SKAP2: variants seen among roughly 807,000 people sequenced by gnomAD.
The protein encoded by SKAP2 is src kinase associated phosphoprotein 2, also known as src kinase-associated phosphoprotein 2.
Under a neutral mutation model 54.9 loss-of-function variants are expected in SKAP2, and 28 were observed. That is an observed-to-expected ratio of 0.51 (90% confidence interval 0.38 to 0.70). The LOEUF (loss-of-function observed/expected upper bound fraction) is 0.70, where lower values mean the gene tolerates loss of function less well. SKAP2 is among the 30% of genes least tolerant of loss of function. SKAP2 has a pLI of 0.00. For missense variants in SKAP2, 356 were observed against 424.1 expected (o/e 0.84, Z 1.41); for synonymous variants, 137 against 134.3 (o/e 1.02, Z -0.14).
intron 11 of SKAP2, among the ~76,000 whole-genome samples, chr7:26,674,641 A>G (rs1786314534): frequency 6.6e-6 from 1 of 152,218 alleles, no homozygotes; most frequent in Admixed American, 6.5e-5. Context: ...CAGGAACCTG[A>G]TTGAAGACAC....
intron 4 of SKAP2, among the ~76,000 whole-genome samples, chr7:26,765,295 T>C (rs1783027118): frequency 6.6e-6 from 1 of 152,106 alleles, no homozygotes; most frequent in Admixed American, 6.5e-5. Flanking sequence ...GAAGTGTCTG[T>C]TCATATCCTT....
intron 4 of SKAP2, among the ~76,000 whole-genome samples, chr7:26,842,025 T>G (rs964475370): frequency 6.6e-5 from 10 of 152,042 alleles, no homozygotes; most frequent in African/African-American, 2.2e-4. Flanking sequence ...ACACAAAATC[T>G]AAGTTGAAGA....
At chr7:26,849,600 G>T (rs754736124) in intron 3 of SKAP2, among the ~76,000 whole-genome samples, 1 of 150,488 alleles carries the variant, frequency 6.6e-6, no homozygotes, top group African/African-American at 2.4e-5. Flanking sequence ...AAGGAGAATC[G>T]CTTGAACCCA....
At chr7:26,674,823 A>G (rs1228224930) in intron 11 of SKAP2, among the ~76,000 whole-genome samples, 1 of 152,218 alleles carries the variant, frequency 6.6e-6, no homozygotes, top group African/African-American at 2.4e-5. Flanking sequence ...AAGAATTCTC[A>G]TAAGAAATTT....
intron 4 of SKAP2, among the ~76,000 whole-genome samples, chr7:26,793,232 C>T (rs748802933): frequency 3.9e-5 from 6 of 152,152 alleles, no homozygotes; most frequent in Non-Finnish European, 7.4e-5. Flanking sequence ...CTATCCTTTA[C>T]CAAACTATGT....
At chr7:26,749,583 A>G (rs996674979) in intron 4 of SKAP2, among the ~76,000 whole-genome samples, 1 of 151,910 alleles carries the variant, frequency 6.6e-6, no homozygotes, top group African/African-American at 2.4e-5. Context: ...CCCCATCTCT[A>G]TAAAAAATGT....
At chr7:26,689,998 T>C (rs1339294369) in intron 10 of SKAP2, among the ~76,000 whole-genome samples, 2 of 152,228 alleles carry the variant, frequency 1.3e-5, no homozygotes, top group African/African-American at 2.4e-5. Flanking sequence ...GATAAGCTAA[T>C]TTATGCAACT....
intron 11 of SKAP2, among the ~76,000 whole-genome samples, chr7:26,672,548 T>G (rs189265083): frequency 2.0e-5 from 3 of 152,002 alleles, no homozygotes; most frequent in Non-Finnish European, 4.4e-5. Flanking sequence ...ATACACTTGA[T>G]AAAAATACTC....
At chr7:26,803,333 A>G (rs1352678944) in intron 4 of SKAP2, among the ~76,000 whole-genome samples, 2 of 152,240 alleles carry the variant, frequency 1.3e-5, no homozygotes, top group African/African-American at 4.8e-5. Context: ...CATTTCTCAA[A>G]AGAAGACATG....
At chr7:26,822,663 CAGG>C (rs1477880859) in intron 4 of SKAP2, among the ~76,000 whole-genome samples, 1 of 150,790 alleles carries the variant, frequency 6.6e-6, no homozygotes, top group Non-Finnish European at 1.5e-5. Context: ...ATCACGAGGT[CAGG>C]AGATCGAGAC....
At chr7:26,852,717 A>G (rs2127998180) in intron 3 of SKAP2, among the ~76,000 whole-genome samples, 1 of 152,282 alleles carries the variant, frequency 6.6e-6, no homozygotes, top group Admixed American at 6.5e-5. Flanking sequence ...CTTCCCAACT[A>G]TTACTGATCC....
rs567760067 is a variant in SKAP2, at chr7:26,843,858, A to G, written c.307+172T>C. 2.0e-5 allele frequency among the ~76,000 whole-genome samples: 3 copies of G among 152,234 alleles called. No individual in the cohort carries two copies. In the East Asian group the frequency reaches 5.8e-4, roughly 29 times the overall value. On this transcript the variant is annotated intron_variant, in intron 4 of 12. Coordinates refer to ENST00000345317, the MANE Select transcript of SKAP2 (RefSeq NM_003930.5). ...AAGAAAAAGAACCAACTACATACTT[A>G]GGAAAACCTCACCAGAACCACTAGA...
At chr7:26,749,546 C>G (rs944750417) in intron 4 of SKAP2, among the ~76,000 whole-genome samples, 10 of 151,716 alleles carry the variant, frequency 6.6e-5, no homozygotes, top group Non-Finnish European at 1.5e-4. Context: ...GCCAGGTGTT[C>G]GAGACAGCCT....
Position 26,710,112 on chromosome 7 carries a change from C to T in SKAP2, c.796+15316G>A, listed in dbSNP as rs1453972138. 2.0e-5 allele frequency among the ~76,000 whole-genome samples: 3 copies of T among 151,980 alleles called. No homozygotes were observed. The East Asian group carries it at 5.8e-4, about 29-fold the overall frequency. ...GTTTCTCTTAATTTACCTAATAGACCCCTTTAACTAAAGACTTTGCACTAT... is the reference window on the plus strand; with the variant it reads ...GTTTCTCTTAATTTACCTAATAGACTCCTTTAACTAAAGACTTTGCACTAT... On this transcript the variant is annotated intron_variant, in intron 9 of 12. Transcript: ENST00000345317.
chr7:26,799,759 A>T (rs1783870090), intron 4 of SKAP2, among the ~76,000 whole-genome samples: 1 of 152,218 alleles, frequency 6.6e-6, no homozygotes, highest in African/African-American at 2.4e-5. Flanking sequence ...CAGAATACGC[A>T]TTCTTTTCTT....
At chr7:26,845,712 G>T (rs140691788) in intron 3 of SKAP2, among the ~76,000 whole-genome samples, 1 of 152,216 alleles carries the variant, frequency 6.6e-6, no homozygotes, top group African/African-American at 2.4e-5. Flanking sequence ...CCAGAAGATC[G>T]CTTGTGGCCA....
intron 4 of SKAP2, among the ~76,000 whole-genome samples, chr7:26,802,358 G>A (rs985624166): frequency 2.1e-4 from 30 of 141,698 alleles, no homozygotes; most frequent in South Asian, 4.7e-4. Flanking sequence ...TGCAACCTCC[G>A]CCTCCCGAGT....
rs192000568 is a variant in SKAP2 at position 26,733,772 on chromosome 7, T to A, written c.469+5023A>T. Among the ~76,000 whole-genome samples, 52 of 152,286 alleles carry A rather than the reference T, an allele frequency of 3.4e-4. No individual in the cohort carries two copies. In the East Asian group the frequency reaches 5.8e-3, roughly 17 times the overall value. ...ACTTTTATTATATATTGAAAAGATA[T>A]TACAATGAAAAAATTAAAACCATAT... is the stretch of plus-strand genomic sequence containing the variant. On this transcript the variant is annotated intron_variant, in intron 6 of 12. Coordinates refer to ENST00000345317, the MANE Select transcript of SKAP2 (RefSeq NM_003930.5).
At chr7:26,727,134 G>A (rs2127956513) in intron 6 of SKAP2, 128 bp from the exon 7 acceptor site, 1 of 621,464 alleles carries the variant, frequency 1.6e-6, no homozygotes, top group South Asian at 2.5e-5. Flanking sequence ...GTAATATAAT[G>A]CTTAGGTAAT....
Sources: allele counts gnomAD v4.1 joint callset (sites outside exome capture counted in the v4.1 genomes callset), GRCh38; gene constraint gnomAD v4.1.1; transcripts MANE v1.5; gene names NCBI Gene and HGNC (gene_info 2026-07-23, HGNC 2026-07-21).